KANK4: variants seen among roughly 807,000 people sequenced by gnomAD.
KANK4 encodes the protein KN motif and ankyrin repeat domains 4.
A neutral mutation model predicts 80.8 loss-of-function variants in KANK4; 50 were observed. The ratio of observed to expected loss-of-function variants is 0.62; its 90% CI spans 0.49 to 0.78. The LOEUF is 0.78. Ranked by LOEUF, KANK4 falls within the 30% of genes least tolerant of loss-of-function variation. KANK4 has a pLI of 0.00. For missense variants in KANK4, 1,196 were observed against 1,240.1 expected (o/e 0.96, Z 0.53); for synonymous variants, 465 against 506.9 (o/e 0.92, Z 1.11).
rs1671660171 is a variant in KANK4, at chr1:62,253,081, T to C, written c.2668A>G (p.Ile890Val). Residue 890 changes from isoleucine to valine, a missense_variant, in exon 8 of 10, where the codon ATT (isoleucine) becomes GTT (valine). This residue lies in a region of KANK4 where 1,154 missense variants were observed against 1,179.6 expected (regional missense o/e 0.98). Coordinates refer to ENST00000371153, the MANE Select transcript of KANK4 (RefSeq NM_181712.5). ...ATTCCACCCACCTGAGTAGCTTGAA[T>C]GTTCACATTTCCTTCTCTTAAGAGC... The part of the protein sequence containing the change: ...WKLLREGNVN[I>V]QATQGGQTAL... 5 of 1,613,986 alleles carry C rather than the reference T, an allele frequency of 3.1e-6. No individual in the cohort carries two copies. The highest frequency in any genetic ancestry group is 2.2e-5 in the East Asian group (1 of 44,874).
rs563706824 is a variant in KANK4 at position 62,275,047 on chromosome 1, A to G, written c.57T>C (p.Pro19=). 17 of 1,613,606 alleles carry G rather than the reference A, an allele frequency of 1.1e-5. No homozygotes were observed. The East Asian group carries it at 3.6e-4, about 34-fold the overall frequency. ...CCACAGAATAAGGGTGGCTCTTCGGAGGGTCTTTCTCTTCATCCCCCTGAG... is the reference window on the plus strand; with the variant it reads ...CCACAGAATAAGGGTGGCTCTTCGGGGGGTCTTTCTCTTCATCCCCCTGAG... ...QSSQGDEEKD[P]PKSHPYSVET... is the part of the protein sequence containing the mutation. Residue 19 remains proline, a synonymous_variant, in exon 3 of 10, where the codon CCT becomes CCC. Coordinates refer to ENST00000371153, the MANE Select transcript of KANK4 (RefSeq NM_181712.5).
intron 4 of KANK4, 142 bp from the exon 5 acceptor site, chr1:62,268,647 G>A (rs1672088274): frequency 4.4e-6 from 3 of 684,432 alleles, no homozygotes; most frequent in East Asian, 5.4e-5. Flanking sequence ...CCGGCAGGGT[G>A]ACAGGCTCCC....
At chr1:62,305,384 C>T (rs758230762) in intron 1 of KANK4, among the ~76,000 whole-genome samples, 7 of 152,178 alleles carry the variant, frequency 4.6e-5, no homozygotes, top group African/African-American at 9.7e-5. Context: ...TCTCGGCTCA[C>T]TGCAACCTCC....
chr1:62,238,219 G>A lies in KANK4; in HGVS notation c.*58C>T, dbSNP rs532344987. 199 of 1,308,244 alleles carry A rather than the reference G, an allele frequency of 1.5e-4. No homozygotes were observed. The highest frequency in any genetic ancestry group is 1.5e-3 in the Middle Eastern group (6 of 4,130). The allele number at this position is 1,308,244 out of a possible 1,614,324, so 81.0% of individuals were successfully genotyped here. A position where few individuals can be genotyped will look rare whatever the true frequency, so the allele number is the denominator to read the frequency against. ...TGTGACCTCTGCCCTCTTCAAGGGC[G>A]AGGGAGGAGTCCAGAGAAGAAGGCT... On this transcript the variant is annotated 3_prime_UTR_variant, in exon 10 of 10. Coordinates refer to ENST00000371153, the MANE Select transcript of KANK4 (RefSeq NM_181712.5).
intron 9 of KANK4, among the ~76,000 whole-genome samples, chr1:62,244,786 G>A (rs1173651992): frequency 2.6e-5 from 4 of 152,124 alleles, no homozygotes; most frequent in Admixed American, 2.6e-4. Context: ...AAACTCCTGG[G>A]CTCAAGCAAT....
At chr1:62,290,487 C>T (rs1032008784) in intron 1 of KANK4, among the ~76,000 whole-genome samples, 2 of 152,204 alleles carry the variant, frequency 1.3e-5, no homozygotes, top group African/African-American at 2.4e-5. Context: ...GCTCAGTACA[C>T]CGTGTGAAGA....
intron 1 of KANK4, among the ~76,000 whole-genome samples, chr1:62,285,929 A>G (rs1672554889): frequency 6.6e-6 from 1 of 152,156 alleles, no homozygotes; most frequent in South Asian, 2.1e-4. Flanking sequence ...GCTGCTTCTA[A>G]ACATTGAGAG....
intron 8 of KANK4, 51 bp from the exon 9 acceptor site, chr1:62,247,723 AC>A: frequency 6.6e-7 from 1 of 1,509,422 alleles, no homozygotes; most frequent in Middle Eastern, 2.1e-4. Flanking sequence ...GTGGGGAAGG[AC>A]CCCCTCTCCA....
Position 62,287,359 on chromosome 1 carries a change from A to AGCCT in KANK4, c.-70-5726_-70-5725insAGGC, listed in dbSNP as rs1212848822. 3.9e-5 allele frequency among the ~76,000 whole-genome samples: 6 copies of AGCCT among 152,258 alleles called. No individual in the cohort carries two copies. In the South Asian group the frequency reaches 1.0e-3, roughly 26 times the overall value. ...TCTAACCAAGTGAGGCTGTGCTGGG[A>AGCCT]AATGAAGCCTCACAGTAAGACACAT... On this transcript the variant is annotated intron_variant, in intron 1 of 9. Coordinates refer to ENST00000371153, the MANE Select transcript of KANK4 (RefSeq NM_181712.5).
intron 4 of KANK4, among the ~76,000 whole-genome samples, chr1:62,269,505 T>G (rs910188022): frequency 6.6e-6 from 1 of 152,228 alleles, no homozygotes; most frequent in Non-Finnish European, 1.5e-5. Flanking sequence ...TCCTCTATTA[T>G]GTATGGAACA....
chr1:62,253,408 TC>T (rs1230451044), intron 7 of KANK4, among the ~76,000 whole-genome samples, 199 bp from the exon 8 acceptor site: 7 of 101,636 alleles, frequency 6.9e-5, no homozygotes, highest in East Asian at 1.2e-3. Context: ...TTTCTTTCTT[TC>T]TTTTTTTTTT....
intron 1 of KANK4, among the ~76,000 whole-genome samples, chr1:62,295,560 T>C (rs1232094132): frequency 6.6e-6 from 1 of 152,214 alleles, no homozygotes; most frequent in Non-Finnish European, 1.5e-5. Flanking sequence ...CCACTGATTA[T>C]CTACTGTTGG....
intron 4 of KANK4, among the ~76,000 whole-genome samples, chr1:62,270,386 C>CTT (rs66601241): frequency 2.8e-5 from 4 of 142,610 alleles, no homozygotes; most frequent in African/African-American, 5.1e-5. Flanking sequence ...CTTTGCTTTG[C>CTT]TTTTTTTTTT....
chr1:62,248,839 C>T (rs1252221938), intron 8 of KANK4, among the ~76,000 whole-genome samples: 1 of 148,788 alleles, frequency 6.7e-6, no homozygotes, highest in Non-Finnish European at 1.5e-5. Context: ...GCCACTGTGC[C>T]CAGCTTGTTT....
intron 1 of KANK4, among the ~76,000 whole-genome samples, chr1:62,292,080 G>GA (rs1672691866): frequency 6.6e-6 from 1 of 152,100 alleles, no homozygotes; most frequent in Non-Finnish European, 1.5e-5. Flanking sequence ...AGGAAACCAT[G>GA]AATTTACTTT....
At chr1:62,238,708 C>T (rs965690371) in intron 9 of KANK4, among the ~76,000 whole-genome samples, 5 of 151,074 alleles carry the variant, frequency 3.3e-5, no homozygotes, top group Admixed American at 6.6e-5. Flanking sequence ...GAGCTCACTG[C>T]AACCTCCGTC....
At chr1:62,318,167 C>T (rs1644557857) in intron 1 of KANK4, among the ~76,000 whole-genome samples, 1 of 152,196 alleles carries the variant, frequency 6.6e-6, no homozygotes, top group Non-Finnish European at 1.5e-5. Flanking sequence ...ATCTGATCCT[C>T]CTCTGGCCCT....
intron 9 of KANK4, among the ~76,000 whole-genome samples, chr1:62,242,818 G>A (rs1252431365): frequency 6.6e-6 from 1 of 152,178 alleles, no homozygotes; most frequent in African/African-American, 2.4e-5. Flanking sequence ...ATGATATGGT[G>A]GGTATGATAA....
In KANK4 at chr1:62,263,318, C is replaced by A. The variant is rs1373270647; in HGVS notation, c.2320-7G>T. ...TGGTGTTCAAGCTTTGCCTCTGAAA[C>A]CCCAAAAAAGACCAATTCCAAGAGG... On this transcript the variant is annotated splice_polypyrimidine_tract_variant and splice_region_variant and intron_variant, in intron 6 of 9. Transcript: ENST00000371153. 2 of 1,610,786 alleles carry A rather than the reference C, an allele frequency of 1.2e-6. No individual in the cohort carries two copies. The highest frequency in any genetic ancestry group is 3.4e-5 in the Admixed American group (2 of 59,306).
Sources: allele counts gnomAD v4.1 joint callset (sites outside exome capture counted in the v4.1 genomes callset), GRCh38; gene constraint gnomAD v4.1.1; regional missense constraint gnomAD v4.1.1; transcripts MANE v1.5; gene names NCBI Gene and HGNC (gene_info 2026-07-23, HGNC 2026-07-21).